Variants in SKP1 observed in about 807,000 individuals in gnomAD.
SKP1 encodes S-phase kinase-associated protein 1.
SKP1 carries 1 observed loss-of-function variant against 21.5 expected under a neutral mutation model. That is an observed-to-expected ratio of 0.05 (90% CI 0.02 to 0.22). The LOEUF is 0.22. Among genes scored for constraint, SKP1 ranks in the 10% least tolerant of loss-of-function variants. The probability of loss-of-function intolerance (pLI) is 1.00; values close to 1 mark genes in which losing one functional copy is unlikely to be tolerated. For missense variants in SKP1, 70 were observed against 192.0 expected (o/e 0.36, Z 3.76); for synonymous variants, 59 against 59.3 (o/e 0.99, Z 0.03).
At chr5:134,158,775 A>T in intron 4 of SKP1, 180 bp from the exon 5 acceptor site, 1 of 630,180 alleles carries the variant, frequency 1.6e-6, no homozygotes, top group Non-Finnish European at 2.8e-6. Context: ...CTTCTTTGTT[A>T]TACCTCTATA....
At chr5:134,174,565 G>A in intron 1 of SKP1, 2 of 640,422 alleles carry the variant, frequency 3.1e-6, no homozygotes, top group Non-Finnish European at 3.9e-6. Flanking sequence ...TTAAAGATAA[G>A]CAGATGTGAG....
intron 2 of SKP1, among the ~76,000 whole-genome samples, chr5:134,171,760 C>T (rs1403090462): frequency 6.6e-6 from 1 of 152,162 alleles, no homozygotes; most frequent in African/African-American, 2.4e-5. Flanking sequence ...GAAATATCAC[C>T]TCGGCTGGGC....
chr5:134,154,238 G>C lies in SKP1; in HGVS notation c.*3495C>G, dbSNP rs546882069. 3 of 152,004 alleles carry C rather than the reference G, an allele frequency of 2.0e-5. No individual in the cohort carries two copies. Among genetic ancestry groups the C allele is most frequent in the Admixed American group, 6.5e-5 (1 of 15,270 alleles). The allele number at this position is 152,004 out of a possible 1,614,324, so 9.4% of individuals were successfully genotyped here. A position where few individuals can be genotyped will look rare whatever the true frequency, so the allele number is the denominator to read the frequency against. ...TAAGGCGGGCGGATCACAAGGTCAG[G>C]AGTTCAAGACCAGCCTGGCCAATAT... On this transcript the variant is annotated 3_prime_UTR_variant, in exon 6 of 6. Coordinates refer to ENST00000353411, the MANE Select transcript of SKP1 (RefSeq NM_170679.3).
In SKP1 at chr5:134,167,253, C is replaced by T; in HGVS notation, c.98-10G>A. 6.4e-7 allele frequency: 1 copy of T among 1,574,282 alleles called. No individual in the cohort carries two copies. On this transcript the variant is annotated splice_polypyrimidine_tract_variant and intron_variant, in intron 2 of 5. Coordinates refer to ENST00000353411, the MANE Select transcript of SKP1 (RefSeq NM_170679.3). ...TCATCCATTCCCAAATCTAAGAAAA[C>T]CAGAAGAAAGTTTCTATTTCCTAAT...
At position 134,157,555 on chromosome 5, in the gene SKP1, C is replaced by T; in HGVS notation, c.*178G>A. On this transcript the variant is annotated 3_prime_UTR_variant, in exon 6 of 6. Transcript: ENST00000353411. ...TTCCATCATACTAGAAGAAACTTGG[C>T]CGTAAGGTTTGGGATCTGTGCTCAA... 1.7e-6 allele frequency: 1 copy of T among 598,958 alleles called. No homozygotes were observed. The highest frequency in any genetic ancestry group is 3.0e-6 in the Non-Finnish European group (1 of 334,258). The allele number at this position is 598,958 out of a possible 1,614,324, so 37.1% of individuals were successfully genotyped here.
At chr5:134,170,076 G>A (rs189788705) in intron 2 of SKP1, among the ~76,000 whole-genome samples, 31 of 151,946 alleles carry the variant, frequency 2.0e-4, no homozygotes, top group African/African-American at 7.5e-4. Context: ...GGCTGAGGCA[G>A]GGGAATTGCT....
intron 5 of SKP1, chr5:134,158,202 T>C (rs1317084042): frequency 1.4e-6 from 2 of 1,410,002 alleles, no homozygotes; most frequent in South Asian, 1.5e-5. Flanking sequence ...GTGCCAAAAC[T>C]AGTAACTGTT....
intron 4 of SKP1, 149 bp downstream of exon 4, chr5:134,160,838 G>C (rs1761207330): frequency 1.7e-6 from 1 of 594,022 alleles, no homozygotes; most frequent in African/African-American, 1.9e-5. Context: ...TTTACATTTA[G>C]TGTGTTACTG....
At chr5:134,168,337 G>A (rs779214236) in intron 2 of SKP1, among the ~76,000 whole-genome samples, 10 of 152,060 alleles carry the variant, frequency 6.6e-5, no homozygotes, top group Non-Finnish European at 8.8e-5. Flanking sequence ...CTAGAGATGT[G>A]TATACATATA....
Position 134,156,652 on chromosome 5 carries a change from A to G in SKP1, c.*1081T>C, listed in dbSNP as rs994538017. Reference sequence around the variant, plus strand: ...AAACTTCATTCTATTGTAGGAGGGAAGCTGGAAACAATGGCAGAGTAATTT... The same window carrying G: ...AAACTTCATTCTATTGTAGGAGGGAGGCTGGAAACAATGGCAGAGTAATTT... On this transcript the variant is annotated 3_prime_UTR_variant, in exon 6 of 6. Coordinates refer to ENST00000353411, the MANE Select transcript of SKP1 (RefSeq NM_170679.3). 6.6e-6 allele frequency: 1 copy of G among 152,272 alleles called. No individual in the cohort carries two copies. Among genetic ancestry groups the G allele is most frequent in the African/African-American group, 2.4e-5 (1 of 41,486 alleles). The allele number at this position is 152,272 out of a possible 1,614,324, so 9.4% of individuals were successfully genotyped here. A position where few individuals can be genotyped will look rare whatever the true frequency, so the allele number is the denominator to read the frequency against.
At chr5:134,158,347 C>G (rs2149372900) in intron 5 of SKP1, 108 bp downstream of exon 5, 1 of 1,596,266 alleles carries the variant, frequency 6.3e-7, no homozygotes, top group African/African-American at 1.3e-5. Flanking sequence ...CATATTATCC[C>G]TAAAGTATCA....
chr5:134,153,747 A>C lies in SKP1; in HGVS notation c.*3986T>G, dbSNP rs1761077527. ...ACAAAATTTATGTTGGGATCAGAACACAGCCCATAGGATTGGTCAATTTTT... is the reference window on the plus strand; with the variant it reads ...ACAAAATTTATGTTGGGATCAGAACCCAGCCCATAGGATTGGTCAATTTTT... On this transcript the variant is annotated 3_prime_UTR_variant, in exon 6 of 6. Coordinates refer to ENST00000353411, the MANE Select transcript of SKP1 (RefSeq NM_170679.3). 6.6e-6 allele frequency: 1 copy of C among 152,218 alleles called. No individual in the cohort carries two copies. Among genetic ancestry groups the C allele is most frequent in the Non-Finnish European group, 1.5e-5 (1 of 68,046 alleles). The allele number at this position is 152,218 out of a possible 1,614,324, so 9.4% of individuals were successfully genotyped here. A position where few individuals can be genotyped will look rare whatever the true frequency, so the allele number is the denominator to read the frequency against.
Position 134,153,810 on chromosome 5 carries a change from C to T in SKP1, c.*3923G>A, listed in dbSNP as rs915940200. 6.6e-6 allele frequency: 1 copy of T among 152,184 alleles called. No individual in the cohort carries two copies. The highest frequency in any genetic ancestry group is 1.5e-5 in the Non-Finnish European group (1 of 68,018). The allele number at this position is 152,184 out of a possible 1,614,324, so 9.4% of individuals were successfully genotyped here. A position where few individuals can be genotyped will look rare whatever the true frequency, so the allele number is the denominator to read the frequency against. The stretch of plus-strand genomic sequence containing the variant: ...AAATCAATGTGATTTGGAATATCTG[C>T]CTGCCCTAAGTGAGATGCCCACAGT... On this transcript the variant is annotated 3_prime_UTR_variant, in exon 6 of 6. Coordinates refer to ENST00000353411, the MANE Select transcript of SKP1 (RefSeq NM_170679.3).
rs548068464 is a variant in SKP1 at position 134,152,579 on chromosome 5, C to T, written c.*5154G>A. The T allele has an allele frequency of 2.0e-5, 3 of 152,326 alleles. No homozygotes were observed. Among genetic ancestry groups the T allele is most frequent in the African/African-American group, 7.2e-5 (3 of 41,552 alleles). The allele number at this position is 152,326 out of a possible 1,614,324, so 9.4% of individuals were successfully genotyped here. A position where few individuals can be genotyped will look rare whatever the true frequency, so the allele number is the denominator to read the frequency against. On this transcript the variant is annotated 3_prime_UTR_variant, in exon 6 of 6. Coordinates refer to ENST00000353411, the MANE Select transcript of SKP1 (RefSeq NM_170679.3). Reference sequence around the variant, plus strand: ...TTTGAAACGGAGTCTCGCTCTGTCGCCAGGCTGGACTGCAGTCAGTGGCGT... The same window carrying T: ...TTTGAAACGGAGTCTCGCTCTGTCGTCAGGCTGGACTGCAGTCAGTGGCGT...
At position 134,151,795 on chromosome 5, in the gene SKP1, G is replaced by A. The variant is rs1761048427; in HGVS notation, c.*5938C>T. On this transcript the variant is annotated 3_prime_UTR_variant, in exon 6 of 6. Coordinates refer to ENST00000353411, the MANE Select transcript of SKP1 (RefSeq NM_170679.3). ...ACCAGAGGTAGCCAGCAGTACACAA[G>A]ACTGCAAGGCAACAAGTACATTATC... 2 of 403,176 alleles carry A rather than the reference G, an allele frequency of 5.0e-6. No individual in the cohort carries two copies. The highest frequency in any genetic ancestry group is 2.1e-5 in the African/African-American group (1 of 48,332). 25.0% of individuals were successfully genotyped at this position (403,176 alleles called of 1,614,324 possible). A position where few individuals can be genotyped will look rare whatever the true frequency, so the allele number is the denominator to read the frequency against.
chr5:134,152,071 T>A lies in SKP1; in HGVS notation c.*5662A>T, dbSNP rs896956745. The stretch of plus-strand genomic sequence containing the variant: ...ACAGCCAGTTCTCTTACTCATTCTC[T>A]GTGACCACTGGAGGTAGTGATTTTT... On this transcript the variant is annotated 3_prime_UTR_variant, in exon 6 of 6. Transcript: ENST00000353411. 1 of 156,990 alleles carries A rather than the reference T, an allele frequency of 6.4e-6. No homozygotes were observed. The highest frequency in any genetic ancestry group is 1.4e-5 in the Non-Finnish European group (1 of 70,800). The allele number at this position is 156,990 out of a possible 1,614,324, so 9.7% of individuals were successfully genotyped here.
intron 3 of SKP1, among the ~76,000 whole-genome samples, chr5:134,162,790 C>CT (rs76477250): frequency 0.082 from 12,523 of 152,162 alleles, 600 homozygotes; most frequent in Admixed American, 0.15. Context: ...TTTTTAAACT[C>CT]TAAACCTGGG....
chr5:134,170,901 C>G (rs1316757407), intron 2 of SKP1: 1 of 411,048 alleles, frequency 2.4e-6, no homozygotes, highest in Non-Finnish European at 4.8e-6. Flanking sequence ...AGTATTTAGG[C>G]AGCAATTCGG....
chr5:134,159,099 G>A (rs1442112487), intron 4 of SKP1, among the ~76,000 whole-genome samples: 1 of 152,130 alleles, frequency 6.6e-6, no homozygotes, highest in Non-Finnish European at 1.5e-5. Context: ...TAAGGTGGAA[G>A]CTTAGATCAC....
Sources: gnomAD v4.1 joint callset for allele counts (sites outside exome capture counted in the v4.1 genomes callset) on GRCh38, gnomAD v4.1.1 for gene constraint, MANE v1.5 for transcripts, NCBI Gene and HGNC (gene_info 2026-07-23, HGNC 2026-07-21) for gene names.